ADAMTS6: variants seen among roughly 807,000 people sequenced by gnomAD.
ADAMTS6 encodes the protein ADAM metallopeptidase with thrombospondin type 1 motif 6, also known as A disintegrin and metalloproteinase with thrombospondin motifs 6.
Under a neutral mutation model 144.3 loss-of-function variants are expected in ADAMTS6, and 23 were observed. That is an observed-to-expected ratio of 0.16 (90% CI 0.11 to 0.23). The LOEUF (loss-of-function observed/expected upper bound fraction) is 0.23, where lower values mean the gene tolerates loss of function less well. ADAMTS6 is among the 10% of genes least tolerant of loss of function. The pLI is 1.00. For missense variants in ADAMTS6, 999 were observed against 1,379.6 expected, an observed-to-expected ratio of 0.72 and a Z score of 4.37; for synonymous variants, 444 against 457.5, an observed-to-expected ratio of 0.97 and a Z score of 0.38.
chr5:65,235,432 G>A (rs1042670612), intron 15 of ADAMTS6, among the ~76,000 whole-genome samples: 2 of 152,160 alleles, frequency 1.3e-5, no homozygotes, highest in Non-Finnish European at 2.9e-5. Context: ...TTGGATTGAA[G>A]GATACAAAGT....
rs375807774 is a variant in ADAMTS6, at chr5:65,258,812, T to C, written c.1830+1788A>G. On this transcript the variant is annotated intron_variant, in intron 14 of 24. Coordinates refer to ENST00000381055, the MANE Select transcript of ADAMTS6 (RefSeq NM_197941.4). ...CTGCTGGAAGAACGAGTAGAGAAAA[T>C]GTTTTGGGGATAACAGTTGGACATG... Among the ~76,000 whole-genome samples, 6 of 152,282 alleles carry C rather than the reference T, an allele frequency of 3.9e-5. No individual in the cohort carries two copies. The East Asian group carries it at 5.8e-4, about 15-fold the overall frequency.
chr5:65,298,591 C>T (rs1203801677), intron 10 of ADAMTS6, among the ~76,000 whole-genome samples: 1 of 152,090 alleles, frequency 6.6e-6, no homozygotes, highest in East Asian at 1.9e-4. Context: ...CTTACAAATG[C>T]TCTGTGGTCT....
chr5:65,160,653 A>T (rs1284767495), intron 24 of ADAMTS6, among the ~76,000 whole-genome samples: 115 of 125,970 alleles, frequency 9.1e-4, no homozygotes, highest in Middle Eastern at 5.0e-3. Flanking sequence ...TCTTTCCTCC[A>T]TTTTTTTTTT....
chr5:65,460,053 T>C (rs1759527920), intron 4 of ADAMTS6, 117 bp downstream of exon 4: 4 of 1,153,762 alleles, frequency 3.5e-6, no homozygotes, highest in East Asian at 2.6e-5. Flanking sequence ...CTCTGGACAT[T>C]ATAATTGTAG....
At chr5:65,152,813 T>C (rs1192872065) in intron 24 of ADAMTS6, among the ~76,000 whole-genome samples, 3 of 152,234 alleles carry the variant, frequency 2.0e-5, no homozygotes, top group Non-Finnish European at 2.9e-5. Context: ...AATATTCTTT[T>C]CCAGTATTCT....
At chr5:65,210,087 A>G (rs2112300826) in intron 20 of ADAMTS6, 1 of 220,896 alleles carries the variant, frequency 4.5e-6, no homozygotes, top group South Asian at 7.4e-5. Context: ...GGCCTGACAA[A>G]TGATGCTGCA....
intron 1 of ADAMTS6, among the ~76,000 whole-genome samples, chr5:65,478,010 C>T (rs1760954964): frequency 6.6e-6 from 1 of 151,850 alleles, no homozygotes; most frequent in Non-Finnish European, 1.5e-5. Context: ...ACCTGTAATC[C>T]CAGCTACTCA....
intron 12 of ADAMTS6, among the ~76,000 whole-genome samples, chr5:65,272,505 T>C (rs943750692): frequency 1.3e-5 from 2 of 152,176 alleles, no homozygotes; most frequent in East Asian, 1.9e-4. Flanking sequence ...AAATAAGTCT[T>C]AATAATTATA....
intron 12 of ADAMTS6, among the ~76,000 whole-genome samples, chr5:65,267,360 T>C (rs996631154): frequency 2.6e-5 from 4 of 152,088 alleles, no homozygotes; most frequent in African/African-American, 7.2e-5. Flanking sequence ...TTCTTGCTAA[T>C]TGGGGTATGT....
intron 7 of ADAMTS6, among the ~76,000 whole-genome samples, chr5:65,336,505 AAC>A (rs1387040380): frequency 1.3e-5 from 2 of 152,076 alleles, no homozygotes; most frequent in East Asian, 3.9e-4. Context: ...ATACTTAGGT[AAC>A]ACATCTGAGA....
intron 9 of ADAMTS6, among the ~76,000 whole-genome samples, chr5:65,319,281 C>T (rs569619368): frequency 1.3e-5 from 2 of 152,042 alleles, no homozygotes; most frequent in Non-Finnish European, 2.9e-5. Context: ...TGTCCAAAAT[C>T]AATGATTCAA....
intron 14 of ADAMTS6, among the ~76,000 whole-genome samples, chr5:65,255,627 C>T (rs1042356999): frequency 6.6e-6 from 1 of 152,030 alleles, no homozygotes; most frequent in African/African-American, 2.4e-5. Context: ...ATCATCAGGG[C>T]AGAAGTACCT....
intron 7 of ADAMTS6, among the ~76,000 whole-genome samples, chr5:65,419,470 G>A (rs149566615): frequency 1.3e-5 from 2 of 152,202 alleles, no homozygotes; most frequent in East Asian, 3.9e-4. Context: ...TTGGGTGACA[G>A]AATCATTTGT....
chr5:65,404,313 AGGCCCT>A (rs1241803278), intron 7 of ADAMTS6, among the ~76,000 whole-genome samples: 1 of 152,036 alleles, frequency 6.6e-6, no homozygotes, highest in African/African-American at 2.4e-5. Flanking sequence ...ACCCCATGAC[AGGCCCT>A]GGTGTGTTAT....
At chr5:65,226,842 C>T (rs945335187) in intron 15 of ADAMTS6, among the ~76,000 whole-genome samples, 4 of 152,114 alleles carry the variant, frequency 2.6e-5, no homozygotes, top group African/African-American at 9.7e-5. Context: ...TTTGGCCTCC[C>T]AAAGTGCTGG....
chr5:65,424,384 A>C (rs976729822), intron 7 of ADAMTS6, among the ~76,000 whole-genome samples: 1 of 152,254 alleles, frequency 6.6e-6, no homozygotes, highest in Non-Finnish European at 1.5e-5. Context: ...TCCACCTATC[A>C]ACCAAATGTA....
At chr5:65,271,915 C>A (rs1454100061) in intron 12 of ADAMTS6, among the ~76,000 whole-genome samples, 2 of 151,888 alleles carry the variant, frequency 1.3e-5, no homozygotes, top group South Asian at 4.2e-4. Flanking sequence ...GCATGAATTT[C>A]TTTGTATTTT....
intron 7 of ADAMTS6, among the ~76,000 whole-genome samples, chr5:65,432,575 C>T (rs1435628356): frequency 2.0e-5 from 3 of 151,946 alleles, no homozygotes; most frequent in African/African-American, 7.2e-5. Flanking sequence ...GAACATTTTT[C>T]GAATCTGATC....
rs527733111 is a variant in ADAMTS6 at position 65,311,557 on chromosome 5, C to T, written c.1224-11426G>A. Among the ~76,000 whole-genome samples the T allele has an allele frequency of 1.4e-4, 21 of 152,082 alleles. No homozygotes were observed. In the South Asian group the frequency reaches 1.5e-3, roughly 11 times the overall value. ...TAGGGTAAAAGCATGCTATTATAAACGACAGAATTTATCATACCTTTTCAT... is the reference window on the plus strand; with the variant it reads ...TAGGGTAAAAGCATGCTATTATAAATGACAGAATTTATCATACCTTTTCAT... On this transcript the variant is annotated intron_variant, in intron 9 of 24. Coordinates refer to ENST00000381055, the MANE Select transcript of ADAMTS6 (RefSeq NM_197941.4).
Sources: gnomAD v4.1 joint callset for allele counts (sites outside exome capture counted in the v4.1 genomes callset) on GRCh38, gnomAD v4.1.1 for gene constraint, MANE v1.5 for transcripts, NCBI Gene and HGNC (gene_info 2026-07-23, HGNC 2026-07-21) for gene names.